MTREX: variants seen among roughly 807,000 people sequenced by gnomAD.
MTREX encodes the protein exosome RNA helicase MTR4.
Under a neutral mutation model 135.4 loss-of-function variants are expected in MTREX, and 76 were observed. The observed-to-expected ratio is 0.56, with a 90% confidence interval of 0.47 to 0.68. The LOEUF (loss-of-function observed/expected upper bound fraction) is 0.68, where lower values mean the gene tolerates loss of function less well. MTREX is among the 30% of genes least tolerant of loss of function. The pLI is 0.00. For synonymous variants in MTREX, 404 were observed against 401.6 expected (o/e 1.01, Z -0.07); for missense variants, 920 against 1,262.1 (o/e 0.73, Z 4.11).
chr5:55,313,037 T>C (rs1019560245), intron 1 of MTREX, among the ~76,000 whole-genome samples: 6 of 152,162 alleles, frequency 3.9e-5, no homozygotes, highest in Non-Finnish European at 8.8e-5. Context: ...TTTGTTTTTA[T>C]AAAAAATAGA....
chr5:55,310,723 A>G (rs1749098776), intron 1 of MTREX, among the ~76,000 whole-genome samples: 1 of 152,214 alleles, frequency 6.6e-6, no homozygotes, highest in South Asian at 2.1e-4. Flanking sequence ...ATGGAACTTC[A>G]GAGGAACTTG....
chr5:55,409,186 A>G (rs997296671), intron 22 of MTREX, among the ~76,000 whole-genome samples: 1 of 152,076 alleles, frequency 6.6e-6, no homozygotes, highest in Non-Finnish European at 1.5e-5. Context: ...TCCTGGGCTC[A>G]AGAGATCTAC....
intron 3 of MTREX, among the ~76,000 whole-genome samples, chr5:55,324,935 T>G (rs763177551): frequency 2.0e-4 from 31 of 152,196 alleles, no homozygotes; most frequent in Non-Finnish European, 4.0e-4. Context: ...AACAGTGCTA[T>G]TTTTGAAGGT....
At chr5:55,329,366 G>A (rs1167092715) in intron 5 of MTREX, 1 of 151,248 alleles carries the variant, frequency 6.6e-6, no homozygotes, top group African/African-American at 2.4e-5. Context: ...AGGCAACACA[G>A]AGTCTCAAAC....
intron 16 of MTREX, among the ~76,000 whole-genome samples, chr5:55,373,660 TA>T (rs1269054020): frequency 6.6e-6 from 1 of 152,196 alleles, no homozygotes; most frequent in Non-Finnish European, 1.5e-5. Flanking sequence ...GAGGAAGTTG[TA>T]AAAATTTCAA....
At chr5:55,410,487 T>C in intron 22 of MTREX, 37 bp from the exon 23 acceptor site, 1 of 850,646 alleles carries the variant, frequency 1.2e-6, no homozygotes, top group Non-Finnish European at 1.8e-6. Context: ...TGTGTCTTTA[T>C]ATTCTGACAT....
intron 5 of MTREX, among the ~76,000 whole-genome samples, chr5:55,335,035 A>G (rs1232557322): frequency 2.6e-5 from 4 of 152,082 alleles, no homozygotes; most frequent in South Asian, 2.1e-4. Flanking sequence ...TATTATACCC[A>G]TTTCAGTGAT....
chr5:55,315,472 C>T (rs1195694498), intron 1 of MTREX, among the ~76,000 whole-genome samples: 3 of 151,980 alleles, frequency 2.0e-5, no homozygotes, highest in African/African-American at 7.3e-5. Context: ...AAACAGATTG[C>T]CCAGATAGTC....
At chr5:55,362,285 C>T (rs1005906098) in intron 15 of MTREX, among the ~76,000 whole-genome samples, 1 of 151,886 alleles carries the variant, frequency 6.6e-6, no homozygotes, top group East Asian at 1.9e-4. Context: ...CTTTTCCAGT[C>T]CTGCTATTGT....
intron 5 of MTREX, among the ~76,000 whole-genome samples, chr5:55,331,367 T>G (rs1039849449): frequency 1.3e-5 from 2 of 152,204 alleles, no homozygotes; most frequent in Admixed American, 6.5e-5. Context: ...AATATCCTTT[T>G]GAGGCTTACT....
chr5:55,347,814 G>A (rs1561193439), intron 11 of MTREX, among the ~76,000 whole-genome samples: 2 of 152,170 alleles, frequency 1.3e-5, no homozygotes, highest in Admixed American at 6.5e-5. Context: ...ACAGTTCCAC[G>A]TGGCTGGGGA....
intron 15 of MTREX, among the ~76,000 whole-genome samples, chr5:55,364,599 A>C (rs1750068932): frequency 6.6e-6 from 1 of 152,188 alleles, no homozygotes; most frequent in Non-Finnish European, 1.5e-5. Flanking sequence ...CGGCAAGTCA[A>C]ACTGGAAAGG....
rs1319752286 is a variant in MTREX at position 55,366,720 on chromosome 5, C to G, written c.1660-5C>G. The stretch of plus-strand genomic sequence containing the variant: ...TACAAAATTGACATTTTTTTTCTCT[C>G]TTAGGGCTCCGCTGATCCTCTAAAT... On this transcript the variant is annotated splice_region_variant and splice_polypyrimidine_tract_variant and intron_variant, in intron 15 of 26. Coordinates refer to ENST00000230640, the MANE Select transcript of MTREX (RefSeq NM_015360.5). The G allele has an allele frequency of 1.3e-6, 2 of 1,557,394 alleles. No individual in the cohort carries two copies. Among genetic ancestry groups the G allele is most frequent in the East Asian group, 2.3e-5 (1 of 43,816 alleles).
chr5:55,365,834 A>G (rs1750093790), intron 15 of MTREX, among the ~76,000 whole-genome samples: 1 of 152,110 alleles, frequency 6.6e-6, no homozygotes, highest in South Asian at 2.1e-4. Context: ...TACTAAAAAT[A>G]CAAAAAATTA....
At chr5:55,342,432 A>G (rs1380739968) in intron 7 of MTREX, among the ~76,000 whole-genome samples, 1 of 152,224 alleles carries the variant, frequency 6.6e-6, no homozygotes, top group Non-Finnish European at 1.5e-5. Flanking sequence ...TATTTAGTTC[A>G]GTAACTATGA....
intron 16 of MTREX, among the ~76,000 whole-genome samples, chr5:55,371,163 C>T (rs1288175317): frequency 1.3e-5 from 2 of 152,064 alleles, no homozygotes; most frequent in Non-Finnish European, 2.9e-5. Flanking sequence ...CTACCTGAGC[C>T]TCAGTTTGTT....
chr5:55,354,010 G>C (rs1012751293), intron 14 of MTREX, among the ~76,000 whole-genome samples: 4 of 152,212 alleles, frequency 2.6e-5, no homozygotes, highest in Non-Finnish European at 5.9e-5. Flanking sequence ...AGCAAAGAGA[G>C]AAAGTTGGGA....
chr5:55,400,365 C>G lies in MTREX; in HGVS notation c.2425C>G (p.Leu809Val). 6.2e-7 allele frequency: 1 copy of G among 1,612,132 alleles called. No individual in the cohort carries two copies. The highest frequency in any genetic ancestry group is 1.1e-5 in the South Asian group (1 of 90,746). ...AFEHRMYSHP[L>V]HNDPNLETVY... ...TGAGCATCGAATGTATTCTCATCCA[C>G]TTCACAATGATCCAAATTTGGAAAC... Residue 809 changes from leucine to valine, a missense_variant, in exon 21 of 27, where the codon CTT (leucine) becomes GTT (valine). Coordinates refer to ENST00000230640, the MANE Select transcript of MTREX (RefSeq NM_015360.5).
intron 3 of MTREX, among the ~76,000 whole-genome samples, chr5:55,324,907 A>G (rs1350950529): frequency 6.6e-6 from 1 of 152,194 alleles, no homozygotes; most frequent in Non-Finnish European, 1.5e-5. Flanking sequence ...TAGAGCATTC[A>G]TACTCCTAAA....
Sources: gnomAD v4.1 joint callset for allele counts (sites outside exome capture counted in the v4.1 genomes callset) on GRCh38, gnomAD v4.1.1 for gene constraint, MANE v1.5 for transcripts, NCBI Gene and HGNC (gene_info 2026-07-23, HGNC 2026-07-21) for gene names.